Variants in NKAIN2 observed in about 807,000 individuals in gnomAD.
The protein encoded by NKAIN2 is sodium/potassium-transporting ATPase subunit beta-1-interacting protein 2.
Under a neutral mutation model 32.6 loss-of-function variants are expected in NKAIN2, and 14 were observed. The observed-to-expected ratio is 0.43, with a 90% CI of 0.28 to 0.67. The LOEUF (loss-of-function observed/expected upper bound fraction) is 0.67, where lower values mean the gene tolerates loss of function less well. Ranked by LOEUF, NKAIN2 falls within the 30% of genes least tolerant of loss-of-function variation. The probability of loss-of-function intolerance (pLI) is 0.17; values close to 1 mark genes in which losing one functional copy is unlikely to be tolerated. For missense variants in NKAIN2, 198 were observed against 258.3 expected (o/e 0.77, Z 1.60); for synonymous variants, 80 against 87.2 (o/e 0.92, Z 0.46).
intron 1 of NKAIN2, among the ~76,000 whole-genome samples, chr6:124,140,942 T>C (rs1182147895): frequency 6.6e-6 from 1 of 152,146 alleles, no homozygotes; most frequent in Non-Finnish European, 1.5e-5. Context: ...TTTACTAATA[T>C]AGAGATAAAA....
At chr6:123,825,044 G>A (rs1436024385) in intron 1 of NKAIN2, among the ~76,000 whole-genome samples, 10 of 152,174 alleles carry the variant, frequency 6.6e-5, no homozygotes, top group Admixed American at 6.5e-4. Flanking sequence ...CTCACCGGGT[G>A]TCTGGTGAAA....
intron 1 of NKAIN2, among the ~76,000 whole-genome samples, chr6:124,236,584 G>A (rs973981780): frequency 6.6e-6 from 1 of 152,272 alleles, no homozygotes; most frequent in African/African-American, 2.4e-5. Flanking sequence ...ACAGTAAATT[G>A]GAGTTAAACT....
intron 1 of NKAIN2, among the ~76,000 whole-genome samples, chr6:123,994,292 T>G (rs1779528934): frequency 6.6e-6 from 1 of 152,056 alleles, no homozygotes; most frequent in Non-Finnish European, 1.5e-5. Context: ...AAGGCTGTTT[T>G]GTTTTTGTTT....
At chr6:124,418,329 A>C (rs938429373) in intron 3 of NKAIN2, among the ~76,000 whole-genome samples, 3 of 152,058 alleles carry the variant, frequency 2.0e-5, no homozygotes, top group Non-Finnish European at 4.4e-5. Flanking sequence ...TGAACACAAA[A>C]TAATATTTTG....
chr6:124,403,870 A>G (rs1398904126), intron 3 of NKAIN2, among the ~76,000 whole-genome samples: 1 of 152,168 alleles, frequency 6.6e-6, no homozygotes, highest in Non-Finnish European at 1.5e-5. Context: ...CTAGAATTTC[A>G]ATTTAGTTCA....
chr6:124,755,143 G>A (rs1451163938), intron 4 of NKAIN2, among the ~76,000 whole-genome samples: 1 of 152,146 alleles, frequency 6.6e-6, no homozygotes, highest in Non-Finnish European at 1.5e-5. Context: ...CCTTCGGACT[G>A]TAGCTGAAGG....
intron 3 of NKAIN2, among the ~76,000 whole-genome samples, chr6:124,412,237 A>C (rs1010450599): frequency 1.3e-5 from 2 of 152,024 alleles, no homozygotes; most frequent in Admixed American, 1.3e-4. Flanking sequence ...GTTCTTTTGG[A>C]GGAGGAGATG....
At chr6:124,727,490 T>C (rs1430190066) in intron 4 of NKAIN2, among the ~76,000 whole-genome samples, 1 of 150,086 alleles carries the variant, frequency 6.7e-6, no homozygotes, top group Non-Finnish European at 1.5e-5. Context: ...TAAAATACTT[T>C]ACAGACAAGC....
chr6:124,536,706 CA>C lies in NKAIN2; in HGVS notation c.274-121479del, dbSNP rs566836871. On this transcript the variant is annotated intron_variant, in intron 3 of 6. Transcript: ENST00000368417. ...AGGCTTCAAACACAGACTGGAATTA[CA>C]GATGATCAGAACCTCTCTCACGCTT... Among the ~76,000 whole-genome samples the C allele has an allele frequency of 4.6e-4, 70 of 152,270 alleles. 1 individual carries two copies. The highest frequency in any genetic ancestry group is 1.7e-3 in the African/African-American group (69 of 41,544).
At chr6:123,852,054 A>G (rs1005117392) in intron 1 of NKAIN2, among the ~76,000 whole-genome samples, 2 of 152,164 alleles carry the variant, frequency 1.3e-5, no homozygotes, top group Non-Finnish European at 1.5e-5. Context: ...AGCTTTAGCC[A>G]TATGTTTTCT....
At chr6:124,794,943 T>G (rs1779933458) in intron 5 of NKAIN2, 1 of 506,102 alleles carries the variant, frequency 2.0e-6, no homozygotes, top group African/African-American at 2.1e-5. Context: ...TCCTGATCCT[T>G]AAAAAGTTGG....
intron 4 of NKAIN2, among the ~76,000 whole-genome samples, chr6:124,777,878 T>C (rs963519926): frequency 6.6e-6 from 1 of 152,028 alleles, no homozygotes; most frequent in Non-Finnish European, 1.5e-5. Flanking sequence ...CCATCCTTCA[T>C]AAAAGACCAC....
In NKAIN2 at chr6:124,824,153, C is replaced by T. The variant is rs531372486; in HGVS notation, c.*924C>T. The stretch of plus-strand genomic sequence containing the variant: ...AGCAGAAAGCAGAAATGGCTTAACT[C>T]GCTGATTTTATTTATTGCACTCTAG... On this transcript the variant is annotated 3_prime_UTR_variant, in exon 7 of 7. Coordinates refer to ENST00000368417, the MANE Select transcript of NKAIN2 (RefSeq NM_001040214.3). The T allele has an allele frequency of 6.6e-5, 10 of 152,638 alleles. No individual in the cohort carries two copies. Among genetic ancestry groups the T allele is most frequent in the South Asian group, 4.1e-4 (2 of 4,824 alleles). The allele number at this position is 152,638 out of a possible 1,614,324, so 9.5% of individuals were successfully genotyped here.
At chr6:124,040,944 C>T (rs1028256568) in intron 1 of NKAIN2, among the ~76,000 whole-genome samples, 2 of 151,998 alleles carry the variant, frequency 1.3e-5, no homozygotes, top group African/African-American at 4.8e-5. Flanking sequence ...TGAACAGAGC[C>T]TCATTCCGGT....
At chr6:124,318,420 T>C (rs1285415678) in intron 2 of NKAIN2, among the ~76,000 whole-genome samples, 1 of 152,056 alleles carries the variant, frequency 6.6e-6, no homozygotes, top group Non-Finnish European at 1.5e-5. Context: ...ATTTTCATTT[T>C]AGCAGCATTT....
At chr6:124,147,095 C>T (rs952883323) in intron 1 of NKAIN2, among the ~76,000 whole-genome samples, 3 of 152,128 alleles carry the variant, frequency 2.0e-5, no homozygotes, top group South Asian at 2.1e-4. Context: ...AATACTTGTG[C>T]TTGCACTGAT....
intron 2 of NKAIN2, among the ~76,000 whole-genome samples, chr6:124,337,659 A>T (rs967858152): frequency 1.2e-4 from 18 of 152,224 alleles, no homozygotes; most frequent in African/African-American, 4.3e-4. Flanking sequence ...CAGCCACATG[A>T]TATTCAGAAG....
chr6:124,799,329 A>G (rs1252737988), intron 5 of NKAIN2, among the ~76,000 whole-genome samples: 3 of 152,226 alleles, frequency 2.0e-5, no homozygotes, highest in Non-Finnish European at 4.4e-5. Flanking sequence ...ATCATCTAAC[A>G]GAAAACACAT....
intron 3 of NKAIN2, among the ~76,000 whole-genome samples, chr6:124,517,486 C>A (rs981611707): frequency 2.6e-5 from 4 of 152,072 alleles, no homozygotes; most frequent in Non-Finnish European, 5.9e-5. Context: ...ATGCCCTCCA[C>A]CTCCATCAAT....
Sources: gnomAD v4.1 joint callset for allele counts (sites outside exome capture counted in the v4.1 genomes callset) on GRCh38, gnomAD v4.1.1 for gene constraint, MANE v1.5 for transcripts, NCBI Gene and HGNC (gene_info 2026-07-23, HGNC 2026-07-21) for gene names.